The following SAMD5 variants were observed in gnomAD, a reference collection of about 807,000 sequenced individuals.
The protein encoded by SAMD5 is sterile alpha motif domain-containing protein 5.
Under a neutral mutation model 11.3 loss-of-function variants are expected in SAMD5, and 13 were observed. The ratio of observed to expected loss-of-function variants is 1.15; its 90% CI spans 0.75 to 1.83. The LOEUF (loss-of-function observed/expected upper bound fraction) is 1.83. Among genes scored for constraint, SAMD5 ranks in the 40% most tolerant of loss-of-function variants. The pLI is 0.00. For missense variants in SAMD5, 255 were observed against 239.1 expected, an observed-to-expected ratio of 1.07 and a Z score of -0.44; for synonymous variants, 129 against 111.3, an observed-to-expected ratio of 1.16 and a Z score of -1.00.
intron 1 of SAMD5, among the ~76,000 whole-genome samples, chr6:147,612,441 A>G (rs1449007320): frequency 6.6e-6 from 1 of 152,168 alleles, no homozygotes; most frequent in Non-Finnish European, 1.5e-5. Context: ...TCTGATTTAA[A>G]AACCAAAACC....
the SAMD5 span, among the ~76,000 whole-genome samples, chr6:147,818,236 A>G: frequency 2.0e-5 from 3 of 152,134 alleles, no homozygotes; most frequent in Admixed American, 2.0e-4. Flanking sequence ...AATTGAACTG[A>G]TGGTATGATT....
the SAMD5 span, among the ~76,000 whole-genome samples, chr6:147,875,977 C>T: frequency 4.6e-5 from 7 of 152,122 alleles, no homozygotes; most frequent in Admixed American, 6.5e-5. Flanking sequence ...CAAAACATCC[C>T]CTTGTCCCCT....
intron 1 of SAMD5, among the ~76,000 whole-genome samples, chr6:147,704,919 T>A (rs1376972693): frequency 6.6e-6 from 1 of 152,162 alleles, no homozygotes; most frequent in Non-Finnish European, 1.5e-5. Flanking sequence ...GAACTTGTCA[T>A]CCCCAGGGGG....
the SAMD5 span, among the ~76,000 whole-genome samples, chr6:147,852,029 A>C: frequency 6.6e-6 from 1 of 152,216 alleles, no homozygotes; most frequent in African/African-American, 2.4e-5. Flanking sequence ...AAATACAATT[A>C]TTAGTCAAAT....
At chr6:147,564,367 A>G (rs777206701) in intron 1 of SAMD5, 27 bp from the exon 2 acceptor site, 10 of 779,526 alleles carry the variant, frequency 1.3e-5, no homozygotes, top group East Asian at 2.4e-5. Context: ...GAGAACTTCA[A>G]TAACCCAGAT....
At chr6:147,651,062 C>T (rs1312199429) in intron 1 of SAMD5, among the ~76,000 whole-genome samples, 2 of 152,148 alleles carry the variant, frequency 1.3e-5, no homozygotes, top group Non-Finnish European at 2.9e-5. Flanking sequence ...TATTCATCCC[C>T]ACCCATATTC....
At chr6:147,631,618 G>A (rs1197972758) in intron 1 of SAMD5, among the ~76,000 whole-genome samples, 1 of 152,216 alleles carries the variant, frequency 6.6e-6, no homozygotes. Context: ...ATATCTGACA[G>A]AAGGGAAGAA....
the SAMD5 span, among the ~76,000 whole-genome samples, chr6:147,749,360 C>T: frequency 7.2e-5 from 11 of 151,780 alleles, no homozygotes; most frequent in Admixed American, 2.6e-4. Context: ...AGTAGAGATA[C>T]GGTTTCACCA....
the SAMD5 span, among the ~76,000 whole-genome samples, chr6:147,952,352 C>T: frequency 6.6e-6 from 1 of 152,138 alleles, no homozygotes; most frequent in Non-Finnish European, 1.5e-5. Context: ...ATGTTATTTC[C>T]TTTGCTGGGT....
the SAMD5 span, among the ~76,000 whole-genome samples, chr6:147,880,258 A>G: frequency 6.6e-6 from 1 of 151,960 alleles, no homozygotes; most frequent in Non-Finnish European, 1.5e-5. Context: ...ATGTAAGTAC[A>G]AGTCAGTTCC....
At chr6:147,626,791 GAAAAAAAAAAAA>G (rs529975933) in intron 1 of SAMD5, among the ~76,000 whole-genome samples, 2 of 54,718 alleles carry the variant, frequency 3.7e-5, no homozygotes, top group African/African-American at 5.4e-5. Context: ...CTGTTTCTAT[GAAAAAAAAAAAA>G]AAAAAAAAAA....
intron 1 of SAMD5, among the ~76,000 whole-genome samples, chr6:147,685,789 A>G (rs2128456622): frequency 6.6e-6 from 1 of 152,276 alleles, no homozygotes; most frequent in Non-Finnish European, 1.5e-5. Context: ...ACTGGGATAC[A>G]AGAAGGCAAC....
At chr6:147,782,078 A>T in the SAMD5 span, among the ~76,000 whole-genome samples, 1 of 151,894 alleles carries the variant, frequency 6.6e-6, no homozygotes, top group Non-Finnish European at 1.5e-5. Context: ...ATGGTGCAAT[A>T]CATTCCAGTT....
chr6:147,665,977 TG>T (rs1228499917), intron 1 of SAMD5, among the ~76,000 whole-genome samples: 1 of 152,200 alleles, frequency 6.6e-6, no homozygotes, highest in African/African-American at 2.4e-5. Flanking sequence ...CTCACTCTGT[TG>T]CCCCGGTTGG....
intron 1 of SAMD5, among the ~76,000 whole-genome samples, chr6:147,608,353 A>G (rs894587092): frequency 6.6e-6 from 1 of 152,264 alleles, no homozygotes; most frequent in Non-Finnish European, 1.5e-5. Flanking sequence ...TATTTGTTGC[A>G]GCACTTTTTA....
chr6:147,591,930 T>A (rs545495430), intron 1 of SAMD5, among the ~76,000 whole-genome samples: 5 of 152,188 alleles, frequency 3.3e-5, no homozygotes, highest in African/African-American at 1.2e-4. Context: ...CTCTTCTGTC[T>A]CTAGAAGTCT....
downstream of SAMD5, among the ~76,000 whole-genome samples, chr6:147,573,833 G>A (rs187665595): frequency 1.0e-3 from 156 of 152,160 alleles, no homozygotes; most frequent in African/African-American, 3.6e-3. Context: ...GAATAAAAGC[G>A]TACATTCATT....
chr6:147,526,831 A>C (rs540419023), intron 1 of SAMD5, among the ~76,000 whole-genome samples: 1 of 143,064 alleles, frequency 7.0e-6, no homozygotes, highest in African/African-American at 2.5e-5. Flanking sequence ...AATGAAGCAT[A>C]AGGTTGGGCT....
chr6:147,926,665 GC>G, the SAMD5 span, among the ~76,000 whole-genome samples: 1 of 152,152 alleles, frequency 6.6e-6, no homozygotes, highest in Admixed American at 6.6e-5. Context: ...CTGTGCAGAA[GC>G]TTTTAAGTTT....
Sources: allele counts gnomAD v4.1 joint callset (sites outside exome capture counted in the v4.1 genomes callset), GRCh38; gene constraint gnomAD v4.1.1; transcripts MANE v1.5; gene names NCBI Gene and HGNC (gene_info 2026-07-23, HGNC 2026-07-21).